Variants in KAZN observed in about 807,000 individuals in gnomAD.
The protein encoded by KAZN is kazrin.
A neutral mutation model predicts 87.4 loss-of-function variants in KAZN; 40 were observed. That is an observed-to-expected ratio of 0.46 (90% CI 0.36 to 0.60). The LOEUF (loss-of-function observed/expected upper bound fraction) is 0.60, where lower values mean the gene tolerates loss of function less well. Ranked by LOEUF, KAZN falls within the 20% of genes least tolerant of loss-of-function variation. The pLI, the probability that KAZN is intolerant of heterozygous loss-of-function variation, is 0.00. For missense variants in KAZN, 898 were observed against 1,073.9 expected (o/e 0.84, Z 2.29); for synonymous variants, 466 against 458.3 (o/e 1.02, Z -0.22).
At chr1:14,247,225 G>A (rs1649597263) in intron 2 of KAZN, among the ~76,000 whole-genome samples, 1 of 151,998 alleles carries the variant, frequency 6.6e-6, no homozygotes, top group Non-Finnish European at 1.5e-5. Context: ...TACTAGGAAG[G>A]CAAACTAACT....
intron 1 of KAZN, among the ~76,000 whole-genome samples, chr1:13,955,633 G>A (rs767694514): frequency 1.2e-4 from 19 of 152,124 alleles, no homozygotes; most frequent in Admixed American, 3.3e-4. Context: ...GGAAGGAGAG[G>A]ACAACTGGAC....
chr1:14,046,497 C>T (rs1642079771), intron 1 of KAZN, among the ~76,000 whole-genome samples: 1 of 152,180 alleles, frequency 6.6e-6, no homozygotes, highest in South Asian at 2.1e-4. Flanking sequence ...TGTCCAAATA[C>T]ACTCCAACAT....
rs139942378 is a variant in KAZN, at chr1:14,451,529, A to G, written c.250-147454A>G. 2.6e-5 allele frequency among the ~76,000 whole-genome samples: 4 copies of G among 152,224 alleles called. No individual in the cohort carries two copies. The East Asian group carries it at 7.7e-4, about 29-fold the overall frequency. On this transcript the variant is annotated intron_variant, in intron 2 of 16. Coordinates refer to the KAZN transcript ENST00000636203. The stretch of plus-strand genomic sequence containing the variant: ...GTATCAGTCTGGGTTCTCCAGAGAA[A>G]CAGAACCCACCTATGTTCTCCAGAA...
chr1:14,693,962 CA>C (rs1453207808), intron 1 of KAZN, among the ~76,000 whole-genome samples: 10 of 152,172 alleles, frequency 6.6e-5, no homozygotes, highest in African/African-American at 2.4e-4. Context: ...ATGTAGCATG[CA>C]GTCTAAGCAT....
At chr1:13,921,940 T>G (rs946286179) in intron 1 of KAZN, among the ~76,000 whole-genome samples, 1 of 152,158 alleles carries the variant, frequency 6.6e-6, no homozygotes. Flanking sequence ...CCCAGTTGTT[T>G]GCATTTTTAT....
At chr1:14,634,308 C>T (rs934730884) in intron 1 of KAZN, among the ~76,000 whole-genome samples, 9 of 152,266 alleles carry the variant, frequency 5.9e-5, no homozygotes, top group Admixed American at 2.6e-4. Flanking sequence ...CAAGCCTGGC[C>T]AATAAAAGCT....
At chr1:14,644,601 T>G (rs1185117062) in intron 1 of KAZN, among the ~76,000 whole-genome samples, 1 of 152,184 alleles carries the variant, frequency 6.6e-6, no homozygotes, top group Non-Finnish European at 1.5e-5. Context: ...GAGCTCGTGA[T>G]CCGCCTGCCT....
At chr1:15,103,274 A>T (rs1641150357) in intron 11 of KAZN, 85 bp from the exon 12 acceptor site, 5 of 976,244 alleles carry the variant, frequency 5.1e-6, no homozygotes, top group Admixed American at 2.1e-5. Context: ...CTCGGGGGGA[A>T]AAAGAGATGC....
intron 2 of KAZN, among the ~76,000 whole-genome samples, chr1:14,570,310 A>G (rs1393866504): frequency 6.6e-6 from 1 of 152,106 alleles, no homozygotes; most frequent in African/African-American, 2.4e-5. Flanking sequence ...CATTTTATCT[A>G]CAGAATTGTA....
chr1:14,212,538 C>A, intron 2 of KAZN, among the ~76,000 whole-genome samples: 1 of 150,290 alleles, frequency 6.7e-6, no homozygotes. Flanking sequence ...TTAATTAAGA[C>A]CTAAATCATG....
chr1:14,954,714 T>G (rs1472932732), intron 1 of KAZN, among the ~76,000 whole-genome samples: 1 of 152,178 alleles, frequency 6.6e-6, no homozygotes, highest in African/African-American at 2.4e-5. Flanking sequence ...CCCAGCACTT[T>G]GGGAGACTGA....
rs963260902 is a variant in KAZN at position 14,110,087 on chromosome 1, A to G, written c.92-70348A>G. Among the ~76,000 whole-genome samples, 11 of 96,472 alleles carry G rather than the reference A, an allele frequency of 1.1e-4. 5 individuals carry two copies. The highest frequency in any genetic ancestry group is 4.2e-4 in the Admixed American group (4 of 9,620). The allele number at this position is 96,472 out of a possible 152,430, so 63.3% of individuals were successfully genotyped here. A position where few individuals can be genotyped will look rare whatever the true frequency, so the allele number is the denominator to read the frequency against. ...AGTGGCTTGACAGGCAGGAAAAAAG[A>G]AAATCTTATTCATTGCATCAGTGGT... On this transcript the variant is annotated intron_variant, in intron 1 of 16. Transcript: ENST00000636203.
At chr1:14,023,214 T>C (rs1190304163) in intron 1 of KAZN, among the ~76,000 whole-genome samples, 3 of 152,068 alleles carry the variant, frequency 2.0e-5, no homozygotes, top group African/African-American at 4.8e-5. Flanking sequence ...ACTCAGCTAC[T>C]TGGGAGGCTG....
chr1:14,952,877 C>T (rs529159220), intron 1 of KAZN, among the ~76,000 whole-genome samples: 5 of 152,292 alleles, frequency 3.3e-5, no homozygotes, highest in East Asian at 3.9e-4. Context: ...TAGAACCTTC[C>T]GGAGAGTTTC....
chr1:14,124,334 G>A (rs1355911087), intron 1 of KAZN: 1 of 152,236 alleles, frequency 6.6e-6, no homozygotes, highest in Admixed American at 6.5e-5. Context: ...GCCGAAGCTA[G>A]CCCCTGTGAT....
intron 1 of KAZN, among the ~76,000 whole-genome samples, chr1:14,772,639 C>T (rs1346354583): frequency 1.3e-5 from 2 of 152,136 alleles, no homozygotes; most frequent in Non-Finnish European, 2.9e-5. Flanking sequence ...TGCCAGGTCA[C>T]CTGATCTTCT....
chr1:15,095,652 G>A (rs1265114924), intron 10 of KAZN, among the ~76,000 whole-genome samples: 3 of 135,002 alleles, frequency 2.2e-5, no homozygotes, highest in Admixed American at 1.7e-4. Flanking sequence ...GGAAGAACTC[G>A]CTTTGTAAAT....
At chr1:14,342,698 G>C (rs1269074607) in intron 2 of KAZN, among the ~76,000 whole-genome samples, 5 of 152,240 alleles carry the variant, frequency 3.3e-5, no homozygotes, top group Admixed American at 2.0e-4. Context: ...GAGGTTGGGG[G>C]AGGATGTGGA....
At chr1:14,388,682 A>G (rs745714769) in intron 2 of KAZN, among the ~76,000 whole-genome samples, 3 of 152,188 alleles carry the variant, frequency 2.0e-5, no homozygotes, top group Non-Finnish European at 4.4e-5. Flanking sequence ...ATCTCTAAAA[A>G]TATACAAAAA....
Sources: gnomAD v4.1 joint callset for allele counts (sites outside exome capture counted in the v4.1 genomes callset) on GRCh38, gnomAD v4.1.1 for gene constraint, MANE v1.5 for transcripts, NCBI Gene and HGNC (gene_info 2026-07-23, HGNC 2026-07-21) for gene names.